The following MAPK4 variants were observed in gnomAD, a reference collection of about 807,000 sequenced individuals.
MAPK4 encodes the protein mitogen-activated protein kinase 4.
Under a neutral mutation model 47.7 loss-of-function variants are expected in MAPK4, and 22 were observed. The ratio of observed to expected loss-of-function variants is 0.46; its 90% CI spans 0.33 to 0.66. The LOEUF (loss-of-function observed/expected upper bound fraction) is 0.66, where lower values mean the gene tolerates loss of function less well. Ranked by LOEUF, MAPK4 falls within the 30% of genes least tolerant of loss-of-function variation. MAPK4 has a pLI of 0.02. For missense variants in MAPK4, 736 were observed against 831.7 expected (o/e 0.88, Z 1.42); for synonymous variants, 390 against 365.7 (o/e 1.07, Z -0.76).
chr18:50,590,211 C>T (rs1391182631), intron 1 of MAPK4, among the ~76,000 whole-genome samples: 7 of 152,184 alleles, frequency 4.6e-5, no homozygotes, highest in African/African-American at 1.2e-4. Flanking sequence ...GGAATAAAGC[C>T]TCTGTCAGTA....
chr18:50,707,880 G>A, intron 2 of MAPK4, among the ~76,000 whole-genome samples: 1 of 152,202 alleles, frequency 6.6e-6, no homozygotes, highest in East Asian at 1.9e-4. Context: ...ATCTGTCCAG[G>A]ATCCCCCAGA....
At chr18:50,688,142 T>TGG (rs1179178144) in intron 2 of MAPK4, among the ~76,000 whole-genome samples, 1 of 151,968 alleles carries the variant, frequency 6.6e-6, no homozygotes, top group African/African-American at 2.4e-5. Context: ...TACAGTCTGG[T>TGG]GGGGGAGGCG....
chr18:50,637,325 C>G (rs910359329), intron 1 of MAPK4, among the ~76,000 whole-genome samples: 2 of 152,116 alleles, frequency 1.3e-5, no homozygotes, highest in African/African-American at 4.8e-5. Context: ...TACAAGCAAA[C>G]AAAGTAGAGA....
intron 1 of MAPK4, among the ~76,000 whole-genome samples, chr18:50,649,821 C>T (rs1270332919): frequency 1.3e-5 from 2 of 152,298 alleles, no homozygotes; most frequent in Admixed American, 6.5e-5. Context: ...ATAAGGACCC[C>T]GGGTCATAGC....
At chr18:50,720,829 G>A (rs373595367) in intron 3 of MAPK4, among the ~76,000 whole-genome samples, 107 of 152,286 alleles carry the variant, frequency 7.0e-4, no homozygotes, top group Middle Eastern at 3.4e-3. Context: ...ACCTCTTCAG[G>A]AGAGAGCCTG....
chr18:50,597,919 G>A (rs573193861), intron 1 of MAPK4, among the ~76,000 whole-genome samples: 1 of 152,326 alleles, frequency 6.6e-6, no homozygotes, highest in African/African-American at 2.4e-5. Flanking sequence ...CACAGCATTA[G>A]GAAGGATCAC....
intron 1 of MAPK4, among the ~76,000 whole-genome samples, chr18:50,629,117 T>G (rs1446199065): frequency 1.3e-5 from 2 of 152,138 alleles, no homozygotes; most frequent in African/African-American, 4.8e-5. Flanking sequence ...TTCTCAAGAG[T>G]AAGTGCTCAC....
intron 1 of MAPK4, among the ~76,000 whole-genome samples, chr18:50,561,999 A>G (rs918027451): frequency 6.6e-6 from 1 of 152,210 alleles, no homozygotes; most frequent in Non-Finnish European, 1.5e-5. Flanking sequence ...TACCGTGCTT[A>G]AACAGCTATT....
rs772293615 is a variant in MAPK4, at chr18:50,664,065, C to T, written c.107C>T (p.Ser36Leu). The change falls in exon 2 of 6, where the codon TCG becomes TTG. Residue 36 changes from serine to leucine, a missense_variant. This residue lies in a region of MAPK4 where 327 missense variants were observed against 395.4 expected (regional missense o/e 0.83). Transcript: ENST00000400384. This position sits in a 1 kb window ranked among gnomAD's most constrained non-coding sequence, Gnocchi z 6.0. ...TTCGGTGTCAATGGTTTGGTGCTGT[C>T]GGCCGTGGACAGCCGGGCCTGCCGG... ...LGFGVNGLVL[S>L]AVDSRACRKV... 8.1e-6 allele frequency: 13 copies of T among 1,613,692 alleles called. No homozygotes were observed. The highest frequency in any genetic ancestry group is 1.7e-5 in the Admixed American group (1 of 60,000).
intron 1 of MAPK4, among the ~76,000 whole-genome samples, chr18:50,569,780 G>T (rs537688016): frequency 2.4e-4 from 36 of 152,340 alleles, no homozygotes; most frequent in African/African-American, 8.2e-4. Context: ...AATGTAAAGC[G>T]GTTTACCAGG....
chr18:50,698,798 G>A (rs1909634418), intron 2 of MAPK4, among the ~76,000 whole-genome samples: 1 of 152,212 alleles, frequency 6.6e-6, no homozygotes, highest in African/African-American at 2.4e-5. Context: ...GGGAGGCCAA[G>A]GCAGGCAGAT....
At chr18:50,588,418 A>G (rs1038046241) in intron 1 of MAPK4, among the ~76,000 whole-genome samples, 2 of 152,228 alleles carry the variant, frequency 1.3e-5, no homozygotes, top group Non-Finnish European at 2.9e-5. Flanking sequence ...ACAGGGCAGA[A>G]GGAGATGTTG....
intron 2 of MAPK4, among the ~76,000 whole-genome samples, chr18:50,712,873 G>C (rs1467963807): frequency 6.6e-6 from 1 of 152,022 alleles, no homozygotes. Context: ...AATAAAACCA[G>C]ACTATTTTTT....
At chr18:50,702,913 C>T (rs746864966) in intron 2 of MAPK4, among the ~76,000 whole-genome samples, 4 of 152,212 alleles carry the variant, frequency 2.6e-5, no homozygotes, top group Non-Finnish European at 2.9e-5. Context: ...GTAATTCTCT[C>T]GAACAGGTGA....
intron 1 of MAPK4, among the ~76,000 whole-genome samples, chr18:50,590,684 T>C (rs1412118989): frequency 6.6e-6 from 1 of 152,232 alleles, no homozygotes; most frequent in Non-Finnish European, 1.5e-5. Context: ...GCATTAGCAA[T>C]TCTGTTGCCC....
chr18:50,666,620 T>C (rs1235044820), intron 2 of MAPK4, among the ~76,000 whole-genome samples: 1 of 152,196 alleles, frequency 6.6e-6, no homozygotes, highest in Non-Finnish European at 1.5e-5. Flanking sequence ...GACTTTCATT[T>C]TCCCAATGTA....
At chr18:50,598,686 C>T (rs1598810749) in intron 1 of MAPK4, among the ~76,000 whole-genome samples, 1 of 152,268 alleles carries the variant, frequency 6.6e-6, no homozygotes, top group East Asian at 1.9e-4. Flanking sequence ...CATTAATGAC[C>T]GCTTTCTGTT....
chr18:50,663,813 G>A lies in MAPK4; in HGVS notation c.-146G>A. On this transcript the variant is annotated 5_prime_UTR_variant, in exon 2 of 6. It adds an upstream start codon to the 5' untranslated region. Coordinates refer to ENST00000400384, the MANE Select transcript of MAPK4 (RefSeq NM_002747.4). ...TGCCATTCTCGTCTCCAGAGAGCTG[G>A]TGGCAGTGACCTCACTAGGAGAAAA... The A allele has an allele frequency of 1.5e-6, 1 of 656,798 alleles. No homozygotes were observed. The highest frequency in any genetic ancestry group is 2.6e-6 in the Non-Finnish European group (1 of 386,060). The allele number at this position is 656,798 out of a possible 1,614,324, so 40.7% of individuals were successfully genotyped here. A position where few individuals can be genotyped will look rare whatever the true frequency, so the allele number is the denominator to read the frequency against.
Position 50,645,131 on chromosome 18 carries a change from C to G in MAPK4, c.-870-17958C>G, listed in dbSNP as rs16952303. 5.7e-3 allele frequency among the ~76,000 whole-genome samples: 865 copies of G among 152,256 alleles called. 5 individuals carry two copies. The highest frequency in any genetic ancestry group is 0.02 in the African/African-American group (821 of 41,538). On this transcript the variant is annotated intron_variant, in intron 1 of 5. Transcript: ENST00000400384. ...GGAAGGCGGGATATGGCGAAAGACA[C>G]GCTCAGAGGCAAGGGAGCTTTCTGC...
Sources: allele counts gnomAD v4.1 joint callset (sites outside exome capture counted in the v4.1 genomes callset), GRCh38; gene constraint gnomAD v4.1.1; regional missense constraint gnomAD v4.1.1; non-coding constraint Gnocchi (gnomAD v3.1); transcripts MANE v1.5; gene names NCBI Gene and HGNC (gene_info 2026-07-23, HGNC 2026-07-21).